Variants in UBXN7 observed in about 807,000 individuals in gnomAD.
UBXN7 encodes UBX domain protein 7, also known as UBX domain-containing protein 7.
A neutral mutation model predicts 58.0 loss-of-function variants in UBXN7; 9 were observed. That is an observed-to-expected ratio of 0.16 (90% CI 0.09 to 0.27). The LOEUF (loss-of-function observed/expected upper bound fraction) is 0.27. UBXN7 is among the 10% of genes least tolerant of loss of function. The pLI is 1.00. For synonymous variants in UBXN7, 208 were observed against 205.0 expected, an observed-to-expected ratio of 1.01 and a Z score of -0.12; for missense variants, 328 against 599.6, an observed-to-expected ratio of 0.55 and a Z score of 4.73.
chr3:196,424,015 G>A (rs983750819), intron 1 of UBXN7, among the ~76,000 whole-genome samples: 72 of 150,172 alleles, frequency 4.8e-4, no homozygotes, highest in African/African-American at 1.7e-3. Context: ...TCAGCCTCCC[G>A]AGTAGCTGGG....
intron 1 of UBXN7, among the ~76,000 whole-genome samples, chr3:196,412,249 A>AG: frequency 9.6e-6 from 1 of 104,610 alleles, no homozygotes; most frequent in Non-Finnish European, 2.0e-5. Context: ...AAAAAAAAAA[A>AG]GAAAAAAGAA....
intron 1 of UBXN7, chr3:196,423,216 CTGGGG>C (rs1480493413): frequency 6.5e-6 from 1 of 153,236 alleles, no homozygotes; most frequent in Non-Finnish European, 1.5e-5. Flanking sequence ...CACAGCTGCC[CTGGGG>C]AGGGCGGAAG....
chr3:196,350,401 T>C lies in UBXN7; in HGVS notation c.*6284A>G, dbSNP rs1728182119. On this transcript the variant is annotated 3_prime_UTR_variant, in exon 11 of 11. Coordinates refer to ENST00000296328, the MANE Select transcript of UBXN7 (RefSeq NM_015562.2). ...CTAGGGAGAAAATGAGCTATAAAAGTAAGTTTGCCTCAAAAATGTCCTTCA... is the reference window on the plus strand; with the variant it reads ...CTAGGGAGAAAATGAGCTATAAAAGCAAGTTTGCCTCAAAAATGTCCTTCA... 6.6e-6 allele frequency: 1 copy of C among 152,174 alleles called. No individual in the cohort carries two copies. The highest frequency in any genetic ancestry group is 2.4e-5 in the African/African-American group (1 of 41,444). The allele number at this position is 152,174 out of a possible 1,614,324, so 9.4% of individuals were successfully genotyped here.
chr3:196,383,171 T>A (rs1164175684), intron 5 of UBXN7, among the ~76,000 whole-genome samples: 1 of 149,732 alleles, frequency 6.7e-6, no homozygotes, highest in East Asian at 1.9e-4. Context: ...TAGTCTCTGA[T>A]AAAACAGACT....
chr3:196,415,284 G>A (rs879884487), intron 1 of UBXN7, among the ~76,000 whole-genome samples: 23 of 150,860 alleles, frequency 1.5e-4, no homozygotes, highest in Non-Finnish European at 3.4e-4. Flanking sequence ...CTCCCGAGGA[G>A]CTGGGACAAT....
intron 1 of UBXN7, among the ~76,000 whole-genome samples, chr3:196,410,552 G>A (rs374240798): frequency 4.6e-5 from 7 of 152,296 alleles, no homozygotes; most frequent in African/African-American, 9.6e-5. Context: ...AGCCAGGCAC[G>A]GAGGCTCACG....
intron 5 of UBXN7, among the ~76,000 whole-genome samples, chr3:196,372,922 T>C (rs1318349204): frequency 1.3e-5 from 2 of 152,070 alleles, no homozygotes; most frequent in Non-Finnish European, 2.9e-5. Context: ...ATTTTTTATA[T>C]ATTTTTAGTA....
intron 2 of UBXN7, 74 bp downstream of exon 2, chr3:196,407,172 C>T (rs1577468620): frequency 1.3e-6 from 2 of 1,563,106 alleles, no homozygotes; most frequent in East Asian, 2.3e-5. Flanking sequence ...AGAGAATCGA[C>T]CTAGCTTTGA....
At chr3:196,417,723 TTAAAAAAAAAAAAAAAAAAAA>T (rs1254199689) in intron 1 of UBXN7, among the ~76,000 whole-genome samples, 2 of 78,438 alleles carry the variant, frequency 2.5e-5, no homozygotes, top group East Asian at 3.9e-4. Flanking sequence ...GGCAAAATGG[TTAAAAAAAAAAAAAAAAAAAA>T]AAAAAAAAAA....
At chr3:196,401,278 T>A (rs796181495) in intron 3 of UBXN7, among the ~76,000 whole-genome samples, 3,722 of 26,226 alleles carry the variant, frequency 0.14, 189 homozygotes, top group Non-Finnish European at 0.16. Context: ...AAAAAAAATA[T>A]ATATATATAT....
chr3:196,393,691 TA>T, intron 3 of UBXN7, 72 bp from the exon 4 acceptor site: 1 of 1,445,712 alleles, frequency 6.9e-7, no homozygotes, highest in Non-Finnish European at 9.5e-7. Flanking sequence ...TGTCCTTATC[TA>T]AAAGTATTTT....
Position 196,350,606 on chromosome 3 carries a change from G to C in UBXN7, c.*6079C>G, listed in dbSNP as rs1442910423. On this transcript the variant is annotated 3_prime_UTR_variant, in exon 11 of 11. Transcript: ENST00000296328. ...CTAATTAAGGGTCTGTCACTTCACA[G>C]GACAACTAGCAAGGCCATTATAATC... 1 of 42,596 alleles carries C rather than the reference G, an allele frequency of 2.3e-5. No homozygotes were observed. The highest frequency in any genetic ancestry group is 7.4e-5 in the African/African-American group (1 of 13,584). 2.6% of individuals were successfully genotyped at this position (42,596 alleles called of 1,614,324 possible). A position where few individuals can be genotyped will look rare whatever the true frequency, so the allele number is the denominator to read the frequency against.
At chr3:196,388,835 T>C (rs1471257385) in intron 5 of UBXN7, among the ~76,000 whole-genome samples, 1 of 152,166 alleles carries the variant, frequency 6.6e-6, no homozygotes. Context: ...CTAATACATG[T>C]ATCATTAACC....
At chr3:196,394,218 A>G (rs1223627619) in intron 3 of UBXN7, among the ~76,000 whole-genome samples, 135 of 149,442 alleles carry the variant, frequency 9.0e-4, no homozygotes, top group Non-Finnish European at 1.3e-3. Context: ...AACCTAGGAG[A>G]CAGAGGTTGC....
At position 196,350,271 on chromosome 3, in the gene UBXN7, A is replaced by C. The variant is rs1436033370; in HGVS notation, c.*6414T>G. 6.6e-6 allele frequency: 1 copy of C among 152,258 alleles called. No homozygotes were observed. The highest frequency in any genetic ancestry group is 6.5e-5 in the Admixed American group (1 of 15,278). 9.4% of individuals were successfully genotyped at this position (152,258 alleles called of 1,614,324 possible). A position where few individuals can be genotyped will look rare whatever the true frequency, so the allele number is the denominator to read the frequency against. Reference sequence around the variant, plus strand: ...GCCAAAAATCATCATGTTTATGAGAATATCTGCAATTTTAAGCAACACAAC... The same window carrying C: ...GCCAAAAATCATCATGTTTATGAGACTATCTGCAATTTTAAGCAACACAAC... On this transcript the variant is annotated 3_prime_UTR_variant, in exon 11 of 11. Transcript: ENST00000296328.
Position 196,355,682 on chromosome 3 carries a change from T to G in UBXN7, c.*1003A>C, listed in dbSNP as rs947858538. The G allele has an allele frequency of 6.6e-6, 1 of 152,202 alleles. No individual in the cohort carries two copies. The highest frequency in any genetic ancestry group is 2.4e-5 in the African/African-American group (1 of 41,440). 9.4% of individuals were successfully genotyped at this position (152,202 alleles called of 1,614,324 possible). ...AAGAACATGGTTAGCAACTCTCAGC[T>G]GAATGGTTTTCTTTTTCCCCAGGGA... is the stretch of plus-strand genomic sequence containing the variant. On this transcript the variant is annotated 3_prime_UTR_variant, in exon 11 of 11. Transcript: ENST00000296328.
At chr3:196,401,621 G>A (rs1245641864) in intron 3 of UBXN7, among the ~76,000 whole-genome samples, 3 of 150,302 alleles carry the variant, frequency 2.0e-5, no homozygotes, top group African/African-American at 4.9e-5. Context: ...GAGGGTGGAG[G>A]GCGAGGATTG....
intron 1 of UBXN7, among the ~76,000 whole-genome samples, chr3:196,413,197 G>C (rs982990897): frequency 6.6e-6 from 1 of 152,046 alleles, no homozygotes; most frequent in African/African-American, 2.4e-5. Flanking sequence ...AATTAGCCAG[G>C]TGTGGTGGTG....
At chr3:196,377,077 C>T (rs1310452594) in intron 5 of UBXN7, among the ~76,000 whole-genome samples, 8 of 151,704 alleles carry the variant, frequency 5.3e-5, no homozygotes, top group East Asian at 1.9e-4. Flanking sequence ...GAAATATTAC[C>T]GAAATTGTTC....
Sources: gnomAD v4.1 joint callset for allele counts (sites outside exome capture counted in the v4.1 genomes callset) on GRCh38, gnomAD v4.1.1 for gene constraint, MANE v1.5 for transcripts, NCBI Gene and HGNC (gene_info 2026-07-23, HGNC 2026-07-21) for gene names.